PCDHGA4: variants seen among roughly 807,000 people sequenced by gnomAD.
PCDHGA4 encodes protocadherin gamma-A4.
In PCDHGA4, 38 loss-of-function variants were observed where a neutral mutation model predicts 54.6. The ratio of observed to expected loss-of-function variants is 0.70; its 90% confidence interval spans 0.54 to 0.91. The LOEUF is 0.91. Ranked by LOEUF, PCDHGA4 falls within the 40% of genes least tolerant of loss-of-function variation. The pLI is 0.00. For missense variants in PCDHGA4, 1,298 were observed against 1,220.9 expected (o/e 1.06, Z -0.94); for synonymous variants, 511 against 512.9 (o/e 1.00, Z 0.05).
rs1229317913 is a variant in PCDHGA4 at position 141,489,752 on chromosome 5, C to T, written c.2515-5055C>T. ...GGCACCAATACTGTGAGCTTTTACACTCTAAGCCCCAACAGCCACTTCTCT... is the reference window on the plus strand; with the variant it reads ...GGCACCAATACTGTGAGCTTTTACATTCTAAGCCCCAACAGCCACTTCTCT... On this transcript the variant is annotated intron_variant, in intron 1 of 3. Transcript: ENST00000571252. The surrounding 1 kb of genome is among the most constrained non-coding windows in gnomAD (Gnocchi z 4.5). 1.2e-6 allele frequency: 2 copies of T among 1,614,018 alleles called. No individual in the cohort carries two copies. Among genetic ancestry groups the T allele is most frequent in the Non-Finnish European group, 1.7e-6 (2 of 1,179,980 alleles).
rs535739297 is a variant in PCDHGA4, at chr5:141,399,960, G to A, written c.2514+42339G>A. ...ACGTGCTGCAGGCTAGCGAGCCCGG[G>A]CTCTTCAGCCTGGGGCTGCGCACAG... On this transcript the variant is annotated intron_variant, in intron 1 of 3. Transcript: ENST00000571252. 8.1e-6 allele frequency: 13 copies of A among 1,612,214 alleles called. No homozygotes were observed. The African/African-American group carries it at 1.6e-4, about 20-fold the overall frequency.
chr5:141,443,317 CA>C (rs35054295), intron 1 of PCDHGA4, among the ~76,000 whole-genome samples: 28 of 142,048 alleles, frequency 2.0e-4, no homozygotes, highest in Non-Finnish European at 2.6e-4. Flanking sequence ...CCCATCTCTA[CA>C]AAAAAAAAAA....
At chr5:141,420,208 A>G (rs1396340813) in intron 1 of PCDHGA4, 1 of 1,612,970 alleles carries the variant, frequency 6.2e-7, no homozygotes, top group Non-Finnish European at 8.5e-7. Flanking sequence ...ACCTCAACAA[A>G]GATAGCATGC....
chr5:141,410,175 C>T (rs202065305), intron 1 of PCDHGA4: 5 of 1,613,752 alleles, frequency 3.1e-6, no homozygotes, highest in Non-Finnish European at 8.5e-7. Flanking sequence ...TCTGCCACCG[C>T]CACGCTTCAT....
chr5:141,475,977 A>C, intron 1 of PCDHGA4: 1 of 972,828 alleles, frequency 1.0e-6, no homozygotes, highest in Non-Finnish European at 1.5e-6. Flanking sequence ...GAGACTGAAC[A>C]GCCGGCGAGC....
In PCDHGA4 at chr5:141,356,926, G is replaced by T. The variant is rs756576284; in HGVS notation, c.1819G>T (p.Glu607Ter). The part of the protein sequence containing the change: ...TFPTDGSTGV[E>*]LAPRSADSGY... ...CCCTACTGATGGCTCCACTGGTGTGGAGCTGGCACCCCGCTCCGCAGATTC... is the reference window on the plus strand; with the variant it reads ...CCCTACTGATGGCTCCACTGGTGTGTAGCTGGCACCCCGCTCCGCAGATTC... Residue 607 changes from glutamate to a stop codon, truncating the protein, a stop_gained, in exon 1 of 4, where the codon GAG (glutamate) becomes TAG (stop). Coordinates refer to ENST00000571252, the MANE Select transcript of PCDHGA4 (RefSeq NM_018917.4). LOFTEE classifies it high-confidence loss of function. 1.2e-6 allele frequency: 2 copies of T among 1,614,174 alleles called. No individual in the cohort carries two copies. The highest frequency in any genetic ancestry group is 3.3e-5 in the Admixed American group (2 of 60,030).
intron 1 of PCDHGA4, among the ~76,000 whole-genome samples, chr5:141,468,046 C>T (rs540273405): frequency 1.3e-4 from 20 of 152,174 alleles, no homozygotes; most frequent in Non-Finnish European, 2.8e-4. Flanking sequence ...AAAACTAAGC[C>T]GGGCACAGTG....
intron 1 of PCDHGA4, chr5:141,390,129 T>G (rs1194598931): frequency 6.2e-7 from 1 of 1,613,936 alleles, no homozygotes; most frequent in Non-Finnish European, 8.5e-7. Flanking sequence ...TTTGCCTTAT[T>G]CCTACAATCT....
intron 1 of PCDHGA4, chr5:141,428,344 G>C (rs970552377): frequency 8.4e-6 from 5 of 596,498 alleles, no homozygotes; most frequent in Non-Finnish European, 1.5e-5. Context: ...CTTCTTCCTC[G>C]CAGTGATTTT....
chr5:141,371,143 A>G (rs199674539), intron 1 of PCDHGA4: 355 of 1,613,904 alleles, frequency 2.2e-4, no homozygotes, highest in Middle Eastern at 4.9e-4. Flanking sequence ...TACAGGGTCA[A>G]TGTTGCAGAG....
At chr5:141,376,051 C>T in intron 1 of PCDHGA4, 1 of 1,613,344 alleles carries the variant, frequency 6.2e-7, no homozygotes, top group South Asian at 1.1e-5. Context: ...CTCTCTCCGC[C>T]ACTGTCACGC....
At position 141,485,568 on chromosome 5, in the gene PCDHGA4, G is replaced by T. The variant is rs1020556289; in HGVS notation, c.2515-9239G>T. 6.2e-7 allele frequency: 1 copy of T among 1,612,758 alleles called. No homozygotes were observed. Among genetic ancestry groups the T allele is most frequent in the Non-Finnish European group, 8.5e-7 (1 of 1,178,924 alleles). On this transcript the variant is annotated intron_variant, in intron 1 of 3. Coordinates refer to ENST00000571252, the MANE Select transcript of PCDHGA4 (RefSeq NM_018917.4). The surrounding 1 kb of genome is among the most constrained non-coding windows in gnomAD (Gnocchi z 5.7). Reference sequence around the variant, plus strand: ...GTAGATGTGAATGATCACGCCCCCCGTTTTCCGCGGCAGCAGCTGGACTTG... The same window carrying T: ...GTAGATGTGAATGATCACGCCCCCCTTTTTCCGCGGCAGCAGCTGGACTTG...
intron 2 of PCDHGA4, among the ~76,000 whole-genome samples, chr5:141,500,138 ACTTTT>A: frequency 6.6e-6 from 1 of 150,560 alleles, no homozygotes; most frequent in Middle Eastern, 3.2e-3. Flanking sequence ...ATCTTTCTAA[ACTTTT>A]CTTTGTGTAA....
chr5:141,377,007 T>A (rs985572001), intron 1 of PCDHGA4: 1 of 155,470 alleles, frequency 6.4e-6, no homozygotes, highest in African/African-American at 2.4e-5. Context: ...TTTTTATTGG[T>A]TGACAGGAAA....
chr5:141,391,895 A>C (rs1315243362), intron 1 of PCDHGA4: 1 of 152,202 alleles, frequency 6.6e-6, no homozygotes, highest in Non-Finnish European at 1.5e-5. Context: ...GATGGGATGG[A>C]GCTTTGCTTT....
At chr5:141,454,870 C>T (rs2098805291) in intron 1 of PCDHGA4, among the ~76,000 whole-genome samples, 1 of 131,902 alleles carries the variant, frequency 7.6e-6, no homozygotes, top group Non-Finnish European at 1.5e-5. Context: ...TGCAGTGGCA[C>T]GATCTTGGCT....
intron 1 of PCDHGA4, chr5:141,404,707 C>T: frequency 6.2e-7 from 1 of 1,614,122 alleles, no homozygotes; most frequent in Non-Finnish European, 8.5e-7. Flanking sequence ...CAGAGCCTGG[C>T]TACCTGGTGA....
At chr5:141,435,614 C>T (rs1274100711) in intron 1 of PCDHGA4, among the ~76,000 whole-genome samples, 1 of 152,056 alleles carries the variant, frequency 6.6e-6, no homozygotes, top group Non-Finnish European at 1.5e-5. Context: ...ACATTAAATT[C>T]CCCATAACTT....
intron 1 of PCDHGA4, chr5:141,360,615 A>T: frequency 6.2e-7 from 1 of 1,614,042 alleles, no homozygotes; most frequent in Non-Finnish European, 8.5e-7. Flanking sequence ...CCCTGGATTC[A>T]GATGTTGGTC....
Sources: gnomAD v4.1 joint callset for allele counts (sites outside exome capture counted in the v4.1 genomes callset) on GRCh38, gnomAD v4.1.1 for gene constraint, Gnocchi (gnomAD v3.1) non-coding constraint, MANE v1.5 for transcripts, NCBI Gene and HGNC (gene_info 2026-07-23, HGNC 2026-07-21) for gene names.